MYO5A: variants seen among roughly 807,000 people sequenced by gnomAD.
MYO5A encodes the protein myosin VA, also known as unconventional myosin-Va.
Under a neutral mutation model 249.7 loss-of-function variants are expected in MYO5A, and 98 were observed. The ratio of observed to expected loss-of-function variants is 0.39; its 90% confidence interval spans 0.33 to 0.46. The LOEUF is 0.46. Ranked by LOEUF, MYO5A falls within the 20% of genes least tolerant of loss-of-function variation. The pLI is 0.98. For synonymous variants in MYO5A, 778 were observed against 810.6 expected (o/e 0.96, Z 0.68); for missense variants, 1,696 against 2,308.8 (o/e 0.73, Z 5.44).
intron 1 of MYO5A, among the ~76,000 whole-genome samples, chr15:52,477,085 T>A (rs1567163232): frequency 2.0e-5 from 3 of 152,202 alleles, no homozygotes. Context: ...GGAGGCTTTG[T>A]CATTTCTTTT....
In MYO5A at chr15:52,360,084, G is replaced by A. The variant is rs758788435; in HGVS notation, c.3310-3C>T. The A allele has an allele frequency of 3.8e-6, 6 of 1,594,558 alleles. No individual in the cohort carries two copies. The highest frequency in any genetic ancestry group is 3.4e-6 in the Non-Finnish European group (4 of 1,162,938). ...TTGTGTCCAGGCTTAGGCACATGCTGCAAGGCAAATAACCCAGGTATAATT... is the reference window on the plus strand; with the variant it reads ...TTGTGTCCAGGCTTAGGCACATGCTACAAGGCAAATAACCCAGGTATAATT... On this transcript the variant is annotated splice_region_variant and splice_polypyrimidine_tract_variant and intron_variant, in intron 24 of 41. Coordinates refer to ENST00000399233, the MANE Select transcript of MYO5A (RefSeq NM_001382347.1).
chr15:52,377,744 T>C (rs1250779014), intron 18 of MYO5A, among the ~76,000 whole-genome samples: 1 of 151,966 alleles, frequency 6.6e-6, no homozygotes, highest in African/African-American at 2.4e-5. Context: ...CTAATTTTTG[T>C]ATTTTTAGTG....
At chr15:52,330,576 T>G in intron 34 of MYO5A, 77 bp from the exon 35 acceptor site, 1 of 1,537,002 alleles carries the variant, frequency 6.5e-7, no homozygotes, top group South Asian at 1.1e-5. Flanking sequence ...TCCTATAATT[T>G]TGAATGCATT....
chr15:52,405,476 T>C, intron 8 of MYO5A, 83 bp from the exon 9 acceptor site: 1 of 1,010,032 alleles, frequency 9.9e-7, no homozygotes, highest in Non-Finnish European at 1.5e-6. Context: ...AAGCCTATTG[T>C]TAATTCCTGA....
intron 1 of MYO5A, among the ~76,000 whole-genome samples, chr15:52,472,433 T>G (rs1012418590): frequency 3.9e-5 from 6 of 152,104 alleles, no homozygotes; most frequent in Admixed American, 1.3e-4. Flanking sequence ...CTAGGGTACA[T>G]GTGCACAACG....
Position 52,336,439 on chromosome 15 carries a change from G to A in MYO5A, c.4408+24C>T, listed in dbSNP as rs376946679. 1.5e-5 allele frequency: 22 copies of A among 1,470,370 alleles called. No individual in the cohort carries two copies. The East Asian group carries it at 2.1e-4, about 14-fold the overall frequency. The allele number at this position is 1,470,370 out of a possible 1,614,324, so 91.1% of individuals were successfully genotyped here. A position where few individuals can be genotyped will look rare whatever the true frequency, so the allele number is the denominator to read the frequency against. ...AGACTCAAACCAAGACTCAGTGACC[G>A]TCTTGAAAAAAAGGTTTAAATACCT... On this transcript the variant is annotated intron_variant, in intron 34 of 41. Transcript: ENST00000399233.
At chr15:52,519,745 T>C (rs1326495487) in intron 1 of MYO5A, among the ~76,000 whole-genome samples, 1 of 152,238 alleles carries the variant, frequency 6.6e-6, no homozygotes, top group Non-Finnish European at 1.5e-5. Context: ...TGGCTTTTTT[T>C]TTTGAGACAG....
intron 9 of MYO5A, among the ~76,000 whole-genome samples, chr15:52,403,309 C>T (rs552326468): frequency 4.6e-5 from 7 of 152,208 alleles, no homozygotes; most frequent in Admixed American, 4.6e-4. Flanking sequence ...AAAGGTGAAA[C>T]AACTCAAATA....
intron 1 of MYO5A, among the ~76,000 whole-genome samples, chr15:52,527,742 C>T (rs67423475): frequency 0.15 from 22,953 of 152,184 alleles, 1,845 homozygotes; most frequent in Middle Eastern, 0.22. Context: ...CTTTCCTCTA[C>T]AAAACACACT....
At chr15:52,385,553 T>C (rs2041936902) in intron 14 of MYO5A, among the ~76,000 whole-genome samples, 1 of 152,096 alleles carries the variant, frequency 6.6e-6, no homozygotes, top group South Asian at 2.1e-4. Context: ...TTCTGATAAG[T>C]TTATAATTCC....
intron 1 of MYO5A, among the ~76,000 whole-genome samples, chr15:52,463,063 A>T (rs1407522932): frequency 6.6e-6 from 1 of 152,154 alleles, no homozygotes; most frequent in Non-Finnish European, 1.5e-5. Context: ...AAAGATCAAA[A>T]TTGATTGTCA....
At chr15:52,459,709 G>A (rs1325062519) in intron 1 of MYO5A, among the ~76,000 whole-genome samples, 1 of 152,078 alleles carries the variant, frequency 6.6e-6, no homozygotes, top group Admixed American at 6.6e-5. Flanking sequence ...GGTGGCTGCC[G>A]GGCAGAGGGG....
chr15:52,354,849 A>G (rs7176679), intron 25 of MYO5A, among the ~76,000 whole-genome samples: 146,486 of 149,684 alleles, frequency 0.98, 71,760 homozygotes, highest in Middle Eastern at 1. Context: ...GTGAGACTCC[A>G]TCTCACAAAA....
rs144854472 is a variant in MYO5A, at chr15:52,428,285, G to A, written c.310+113C>T. On this transcript the variant is annotated intron_variant, in intron 3 of 41. Coordinates refer to ENST00000399233, the MANE Select transcript of MYO5A (RefSeq NM_001382347.1). ...TTTCTGATAACGCTCAAGTGATTTT[G>A]TCTCTTAGAGAAAATCCAACCACAG... is the stretch of plus-strand genomic sequence containing the variant. 41 of 1,089,022 alleles carry A rather than the reference G, an allele frequency of 3.8e-5. No individual in the cohort carries two copies. The East Asian group carries it at 9.7e-4, about 26-fold the overall frequency. The allele number at this position is 1,089,022 out of a possible 1,614,324, so 67.5% of individuals were successfully genotyped here. A position where few individuals can be genotyped will look rare whatever the true frequency, so the allele number is the denominator to read the frequency against.
rs777177147 is a variant in MYO5A, at chr15:52,313,766, G to A, written c.5573C>T (p.Pro1858Leu). Residue 1858 changes from proline (P) to leucine (L), a missense_variant, in exon 42 of 42, where the codon CCA (proline) becomes CTA (leucine). This residue lies in a region of MYO5A where 625 missense variants were observed against 908.1 expected (regional missense o/e 0.69). Coordinates refer to ENST00000399233, the MANE Select transcript of MYO5A (RefSeq NM_001382347.1). ...GATGGTTTCTAGTGCGAGGGAAGAT[G>A]GGTTGAAAGGAAAGGTGACAGGAAA... ...HIFPVTFPFN[P>L]SSLALETIQI... 1 of 1,614,112 alleles carries A rather than the reference G, an allele frequency of 6.2e-7. No homozygotes were observed. The highest frequency in any genetic ancestry group is 8.5e-7 in the Non-Finnish European group (1 of 1,180,008).
intron 18 of MYO5A, among the ~76,000 whole-genome samples, chr15:52,379,142 C>G (rs1429988070): frequency 6.6e-6 from 1 of 152,192 alleles, no homozygotes; most frequent in Non-Finnish European, 1.5e-5. Context: ...TCAAAACACA[C>G]CTCTTTGATG....
At chr15:52,479,952 G>C (rs7165849) in intron 1 of MYO5A, among the ~76,000 whole-genome samples, 2,377 of 152,168 alleles carry the variant, frequency 0.016, 49 homozygotes, top group African/African-American at 0.054. Flanking sequence ...TTCCTGAAGA[G>C]ATATGAACTG....
intron 1 of MYO5A, among the ~76,000 whole-genome samples, chr15:52,460,399 C>G (rs2076222564): frequency 6.6e-6 from 1 of 152,226 alleles, no homozygotes; most frequent in African/African-American, 2.4e-5. Context: ...AATCCCGGCA[C>G]CTCGGGAGGC....
At position 52,419,194 on chromosome 15, in the gene MYO5A, A is replaced by G. The variant is rs2043669800; in HGVS notation, c.456-2893T>C. Among the ~76,000 whole-genome samples the G allele has an allele frequency of 2.6e-5, 4 of 152,200 alleles. No individual in the cohort carries two copies. The South Asian group carries it at 8.3e-4, about 31-fold the overall frequency. ...TGTACATGCACCTGCACCTAGGTCT[A>G]ACTTTTTAGCTTATAAACAAACATG... On this transcript the variant is annotated intron_variant, in intron 4 of 41. Coordinates refer to ENST00000399233, the MANE Select transcript of MYO5A (RefSeq NM_001382347.1).
Sources: gnomAD v4.1 joint callset for allele counts (sites outside exome capture counted in the v4.1 genomes callset) on GRCh38, gnomAD v4.1.1 for gene constraint, gnomAD v4.1.1 regional missense constraint, MANE v1.5 for transcripts, NCBI Gene and HGNC (gene_info 2026-07-23, HGNC 2026-07-21) for gene names.